Variants in DTWD2 observed in about 807,000 individuals in gnomAD.
DTWD2 encodes the protein DTW motif tRNA-uridine aminocarboxypropyltransferase 2, also known as tRNA-uridine aminocarboxypropyltransferase 2.
A neutral mutation model predicts 31.8 loss-of-function variants in DTWD2; 39 were observed. That is an observed-to-expected ratio of 1.22 (90% CI 0.95 to 1.60). DTWD2 has a LOEUF of 1.60. Among genes scored for constraint, DTWD2 ranks in the 40% most tolerant of loss-of-function variants. The probability of loss-of-function intolerance (pLI) is 0.00; values close to 1 mark genes in which losing one functional copy is unlikely to be tolerated. For synonymous variants in DTWD2, 180 were observed against 142.8 expected, an observed-to-expected ratio of 1.26 and a Z score of -1.86; for missense variants, 515 against 381.5, an observed-to-expected ratio of 1.35 and a Z score of -2.92.
chr5:118,930,150 G>T (rs568673979), intron 3 of DTWD2, among the ~76,000 whole-genome samples: 6 of 152,112 alleles, frequency 3.9e-5, no homozygotes, highest in African/African-American at 1.4e-4. Flanking sequence ...TTTGTCTTTT[G>T]TCAGATGATT....
Position 118,859,501 on chromosome 5 carries a change from T to C in DTWD2, c.598-11283A>G, listed in dbSNP as rs138337909. Among the ~76,000 whole-genome samples the C allele has an allele frequency of 1.2e-4, 18 of 152,372 alleles. 1 individual carries two copies. The East Asian group carries it at 3.3e-3, about 28-fold the overall frequency. ...GACATTAATATTTTAGATACTCAAA[T>C]TATCCCATCTTATGGATCCGTTCAA... is the stretch of plus-strand genomic sequence containing the variant. On this transcript the variant is annotated intron_variant, in intron 4 of 5. Coordinates refer to ENST00000510708, the MANE Select transcript of DTWD2 (RefSeq NM_173666.4).
intron 1 of DTWD2, among the ~76,000 whole-genome samples, chr5:118,973,341 T>G (rs1370901588): frequency 6.6e-6 from 1 of 152,206 alleles, no homozygotes; most frequent in Non-Finnish European, 1.5e-5. Flanking sequence ...TGCAGTTTCT[T>G]CATAGCGTCG....
chr5:118,842,208 A>T (rs1248560148), intron 5 of DTWD2, among the ~76,000 whole-genome samples: 1 of 152,148 alleles, frequency 6.6e-6, no homozygotes, highest in Non-Finnish European at 1.5e-5. Flanking sequence ...GCTTCTTCGT[A>T]TTATTTTCTC....
intron 1 of DTWD2, among the ~76,000 whole-genome samples, chr5:118,969,952 T>A (rs1351011742): frequency 5.3e-5 from 8 of 151,696 alleles, no homozygotes; most frequent in Non-Finnish European, 8.8e-5. Flanking sequence ...AATACAGGAG[T>A]TGATAATGAG....
intron 4 of DTWD2, among the ~76,000 whole-genome samples, chr5:118,879,347 C>T (rs1261798454): frequency 1.3e-5 from 2 of 152,094 alleles, no homozygotes; most frequent in African/African-American, 4.8e-5. Context: ...TGGCTCATGC[C>T]TGTAATATCA....
At chr5:118,857,729 A>G (rs1262609715) in intron 4 of DTWD2, among the ~76,000 whole-genome samples, 1 of 152,208 alleles carries the variant, frequency 6.6e-6, no homozygotes, top group East Asian at 1.9e-4. Flanking sequence ...AACAGTAACT[A>G]GCAGATACAC....
rs1421447418 is a variant in DTWD2 at position 118,964,465 on chromosome 5, A to G, written c.219-19816T>C. On this transcript the variant is annotated intron_variant, in intron 1 of 5. Transcript: ENST00000510708. ...CCCCACAGTCTCTGTCTCCCTCTCT[A>G]TCCACGGTCTCCCTCTGATGCCGAG... is the stretch of plus-strand genomic sequence containing the variant. Among the ~76,000 whole-genome samples, 5 of 150,988 alleles carry G rather than the reference A, an allele frequency of 3.3e-5. No individual in the cohort carries two copies. The East Asian group carries it at 7.8e-4, about 24-fold the overall frequency.
intron 4 of DTWD2, among the ~76,000 whole-genome samples, chr5:118,928,116 A>C (rs1321415602): frequency 6.6e-6 from 1 of 152,122 alleles, no homozygotes; most frequent in Non-Finnish European, 1.5e-5. Flanking sequence ...GAATGACAAA[A>C]AGTATTTAAT....
intron 3 of DTWD2, among the ~76,000 whole-genome samples, chr5:118,935,375 A>AT (rs1754016859): frequency 6.6e-6 from 1 of 152,182 alleles, no homozygotes; most frequent in South Asian, 2.1e-4. Context: ...GGACTTGCCA[A>AT]TGGTGTCTGA....
chr5:118,894,047 A>C (rs1304149153), intron 4 of DTWD2, among the ~76,000 whole-genome samples: 1 of 151,886 alleles, frequency 6.6e-6, no homozygotes, highest in East Asian at 1.9e-4. Flanking sequence ...TCTCAAAAAA[A>C]AAAAAAAAAG....
chr5:118,971,027 T>A (rs1217923551), intron 1 of DTWD2, among the ~76,000 whole-genome samples: 1 of 152,124 alleles, frequency 6.6e-6, no homozygotes, highest in Non-Finnish European at 1.5e-5. Flanking sequence ...AGTCACTACA[T>A]AAATCCACTG....
chr5:118,935,822 T>C lies in DTWD2; in HGVS notation c.404+3374A>G, dbSNP rs138189732. On this transcript the variant is annotated intron_variant, in intron 3 of 5. Coordinates refer to ENST00000510708, the MANE Select transcript of DTWD2 (RefSeq NM_173666.4). ...AGATTTTAACACAATTTCCTTGATA[T>C]TTGAGAGAAAACATGCTCATAAAAT... 2.3e-3 allele frequency among the ~76,000 whole-genome samples: 349 copies of C among 152,342 alleles called. 2 individuals are homozygous for C. Among genetic ancestry groups the C allele is most frequent in the African/African-American group, 7.7e-3 (322 of 41,578 alleles).
intron 4 of DTWD2, among the ~76,000 whole-genome samples, chr5:118,859,052 C>T (rs945235884): frequency 6.6e-6 from 1 of 152,166 alleles, no homozygotes; most frequent in African/African-American, 2.4e-5. Context: ...GATCAACACC[C>T]TGACCCCTCC....
intron 4 of DTWD2, among the ~76,000 whole-genome samples, chr5:118,915,734 T>A (rs1377611621): frequency 6.6e-6 from 1 of 152,182 alleles, no homozygotes; most frequent in East Asian, 1.9e-4. Flanking sequence ...AGTGGAAGCC[T>A]ACAATTTCAA....
At chr5:118,897,908 G>A (rs919652631) in intron 4 of DTWD2, among the ~76,000 whole-genome samples, 8 of 152,108 alleles carry the variant, frequency 5.3e-5, no homozygotes, top group African/African-American at 1.7e-4. Flanking sequence ...TCACTCCTAC[G>A]CCCAGGGTGG....
chr5:118,851,370 C>T (rs568785381), intron 4 of DTWD2, among the ~76,000 whole-genome samples: 4 of 151,716 alleles, frequency 2.6e-5, no homozygotes, highest in South Asian at 2.1e-4. Flanking sequence ...TCTGGGCCGC[C>T]GGGGGCAACA....
At chr5:118,861,176 T>A (rs1490957055) in intron 4 of DTWD2, among the ~76,000 whole-genome samples, 2 of 152,232 alleles carry the variant, frequency 1.3e-5, no homozygotes, top group Non-Finnish European at 2.9e-5. Context: ...GGATTAGAGT[T>A]AAATCATTTA....
intron 4 of DTWD2, among the ~76,000 whole-genome samples, chr5:118,895,595 T>G (rs1370730030): frequency 6.6e-6 from 1 of 152,224 alleles, no homozygotes; most frequent in Admixed American, 6.5e-5. Context: ...GGCATCACAT[T>G]GTCTGATTCC....
chr5:118,851,608 A>C (rs948942595), intron 4 of DTWD2, among the ~76,000 whole-genome samples: 2 of 150,420 alleles, frequency 1.3e-5, no homozygotes, highest in South Asian at 4.2e-4. Flanking sequence ...TTGTCTTGAT[A>C]AACATCTTAA....
Sources: gnomAD v4.1 joint callset for allele counts (sites outside exome capture counted in the v4.1 genomes callset) on GRCh38, gnomAD v4.1.1 for gene constraint, MANE v1.5 for transcripts, NCBI Gene and HGNC (gene_info 2026-07-23, HGNC 2026-07-21) for gene names.